BRINP1: variants seen among roughly 807,000 people sequenced by gnomAD.
BRINP1 encodes BMP/retinoic acid-inducible neural-specific protein 1.
Under a neutral mutation model 72.9 loss-of-function variants are expected in BRINP1, and 17 were observed. The observed-to-expected ratio is 0.23, with a 90% CI of 0.16 to 0.35. BRINP1 has a LOEUF of 0.35. Among genes scored for constraint, BRINP1 ranks in the 10% least tolerant of loss-of-function variants. The pLI is 1.00. For synonymous variants in BRINP1, 418 were observed against 378.5 expected (o/e 1.10, Z -1.21); for missense variants, 850 against 1,001.6 (o/e 0.85, Z 2.04).
rs575135204 is a variant in BRINP1, at chr9:119,346,506, C to T, written c.-51+22550G>A. On this transcript the variant is annotated intron_variant, in intron 1 of 7. Transcript: ENST00000265922. ...CCAACAAGAAACAGTCAGGGCATAA[C>T]ATCAAAATAAAATATTACTCTTCAA... Among the ~76,000 whole-genome samples, 229 of 152,234 alleles carry T rather than the reference C, an allele frequency of 1.5e-3. 2 individuals carry two copies. Among genetic ancestry groups the T allele is most frequent in the African/African-American group, 5.3e-3 (221 of 41,550 alleles).
intron 2 of BRINP1, among the ~76,000 whole-genome samples, chr9:119,253,930 T>C (rs987744107): frequency 6.6e-5 from 10 of 152,158 alleles, no homozygotes; most frequent in Admixed American, 3.9e-4. Flanking sequence ...ATTTTGAAGA[T>C]AGGTTTATGT....
In BRINP1 at chr9:119,367,221, G is replaced by GTGATATATATATATATATATATAT. The variant is rs1564259756; in HGVS notation, c.-51+1834_-51+1835insATATATATATATATATATATATCA. On this transcript the variant is annotated intron_variant, in intron 1 of 7. Transcript: ENST00000265922. ...TGTGTGTGTGTGTGTGTGTGTGATT[G>GTGATATATATATATATATATATAT]ATATATATATATATATATATATCTT... Among the ~76,000 whole-genome samples the GTGATATATATATATATATATATAT allele has an allele frequency of 1.5e-3, 153 of 99,838 alleles. 2 individuals carry two copies. Among genetic ancestry groups the GTGATATATATATATATATATATAT allele is most frequent in the African/African-American group, 1.7e-3 (43 of 25,990 alleles). 65.5% of individuals were successfully genotyped at this position (99,838 alleles called of 152,430 possible).
intron 2 of BRINP1, among the ~76,000 whole-genome samples, chr9:119,282,348 T>A (rs1564237651): frequency 6.6e-6 from 1 of 152,154 alleles, no homozygotes; most frequent in Admixed American, 6.5e-5. Context: ...TGCAAATAAG[T>A]AGCATGGGAT....
At chr9:119,338,427 T>C (rs1443203519) in intron 1 of BRINP1, among the ~76,000 whole-genome samples, 1 of 152,070 alleles carries the variant, frequency 6.6e-6, no homozygotes. Flanking sequence ...TGTTGAAAGA[T>C]GCAGGGAGAA....
chr9:119,203,504 T>G (rs1237616885), intron 7 of BRINP1, among the ~76,000 whole-genome samples: 1 of 152,178 alleles, frequency 6.6e-6, no homozygotes, highest in Admixed American at 6.5e-5. Context: ...ATGTATTGAG[T>G]GCTATCCATG....
chr9:119,173,172 G>C (rs1277964479), intron 7 of BRINP1, among the ~76,000 whole-genome samples: 2 of 149,640 alleles, frequency 1.3e-5, no homozygotes, highest in Non-Finnish European at 3.0e-5. Flanking sequence ...TATTCAATTA[G>C]GAAAAGAGGA....
chr9:119,177,340 TA>T (rs1466557754), intron 7 of BRINP1, among the ~76,000 whole-genome samples: 1 of 152,120 alleles, frequency 6.6e-6, no homozygotes, highest in Non-Finnish European at 1.5e-5. Flanking sequence ...GCTGGAATAA[TA>T]ATGAGCTATG....
At chr9:119,299,228 C>G (rs2118980605) in intron 2 of BRINP1, among the ~76,000 whole-genome samples, 1 of 152,280 alleles carries the variant, frequency 6.6e-6, no homozygotes, top group East Asian at 1.9e-4. Flanking sequence ...AAACATCTTT[C>G]CAATTCCCCC....
intron 4 of BRINP1, among the ~76,000 whole-genome samples, chr9:119,240,964 C>T (rs991946640): frequency 6.6e-6 from 1 of 152,168 alleles, no homozygotes; most frequent in Non-Finnish European, 1.5e-5. Context: ...GAGATGGAAA[C>T]ATCTGCACTA....
At chr9:119,355,465 A>G (rs1353799047) in intron 1 of BRINP1, among the ~76,000 whole-genome samples, 2 of 152,186 alleles carry the variant, frequency 1.3e-5, no homozygotes, top group Non-Finnish European at 2.9e-5. Flanking sequence ...ACGGTGGCTC[A>G]CGCCTGTAAT....
chr9:119,331,956 T>C (rs1003839714), intron 1 of BRINP1, among the ~76,000 whole-genome samples: 22 of 152,160 alleles, frequency 1.4e-4, no homozygotes, highest in Admixed American at 1.4e-3. Context: ...CACTAAAGGG[T>C]AAAAGCCACT....
intron 4 of BRINP1, among the ~76,000 whole-genome samples, chr9:119,241,249 G>C (rs1830245724): frequency 1.3e-5 from 2 of 152,204 alleles, no homozygotes; most frequent in South Asian, 4.1e-4. Flanking sequence ...GGCTAGCACA[G>C]ATACAGGGCC....
chr9:119,247,877 A>G (rs1830340293), intron 3 of BRINP1, among the ~76,000 whole-genome samples: 1 of 152,234 alleles, frequency 6.6e-6, no homozygotes, highest in South Asian at 2.1e-4. Context: ...TATATAGCAA[A>G]TAACTGTTAA....
intron 5 of BRINP1, among the ~76,000 whole-genome samples, chr9:119,224,152 G>T (rs1167949334): frequency 1.3e-5 from 2 of 152,000 alleles, no homozygotes; most frequent in Non-Finnish European, 2.9e-5. Context: ...ATGGTTTATG[G>T]CCTCATGGGG....
chr9:119,176,363 G>T (rs1340989427), intron 7 of BRINP1, among the ~76,000 whole-genome samples: 1 of 152,116 alleles, frequency 6.6e-6, no homozygotes, highest in Non-Finnish European at 1.5e-5. Flanking sequence ...AAGCTAATTT[G>T]CATTGTACTC....
chr9:119,322,586 G>A lies in BRINP1; in HGVS notation c.-50-9181C>T, dbSNP rs1210787730. On this transcript the variant is annotated intron_variant, in intron 1 of 7. Coordinates refer to ENST00000265922, the MANE Select transcript of BRINP1 (RefSeq NM_014618.3). Reference sequence around the variant, plus strand: ...TGCTGGGCCATGACCCATATTCTGGGCCAGAGGTAGAAGGGAATGCCTCCT... The same window carrying A: ...TGCTGGGCCATGACCCATATTCTGGACCAGAGGTAGAAGGGAATGCCTCCT... Among the ~76,000 whole-genome samples the A allele has an allele frequency of 2.6e-5, 4 of 152,148 alleles. No individual in the cohort carries two copies. In the East Asian group the frequency reaches 7.7e-4, roughly 29 times the overall value.
At chr9:119,233,128 C>T (rs886370962) in intron 5 of BRINP1, among the ~76,000 whole-genome samples, 1 of 151,850 alleles carries the variant, frequency 6.6e-6, no homozygotes, top group Non-Finnish European at 1.5e-5. Flanking sequence ...GTTCTCAATC[C>T]ACCAAAGTAG....
intron 2 of BRINP1, among the ~76,000 whole-genome samples, chr9:119,272,832 G>A (rs1830622043): frequency 6.6e-6 from 1 of 152,154 alleles, no homozygotes; most frequent in African/African-American, 2.4e-5. Flanking sequence ...GATAACTCAG[G>A]GTAGCCTGAA....
At chr9:119,296,378 T>C (rs1048867861) in intron 2 of BRINP1, among the ~76,000 whole-genome samples, 3 of 152,090 alleles carry the variant, frequency 2.0e-5, no homozygotes, top group Non-Finnish European at 2.9e-5. Context: ...ATTATAAAAT[T>C]TTGAAAAATA....
Sources: allele counts gnomAD v4.1 joint callset (sites outside exome capture counted in the v4.1 genomes callset), GRCh38; gene constraint gnomAD v4.1.1; transcripts MANE v1.5; gene names NCBI Gene and HGNC (gene_info 2026-07-23, HGNC 2026-07-21).